IMMP2L: variants seen among roughly 807,000 people sequenced by gnomAD.
IMMP2L encodes the protein inner mitochondrial membrane peptidase subunit 2, also known as mitochondrial inner membrane protease subunit 2.
IMMP2L carries 18 observed loss-of-function variants against 19.3 expected under a neutral mutation model. The observed-to-expected ratio is 0.93, with a 90% CI of 0.64 to 1.38. The LOEUF (loss-of-function observed/expected upper bound fraction) is 1.38. Among genes scored for constraint, IMMP2L ranks in the 40% most tolerant of loss-of-function variants. The pLI is 0.00. For missense variants in IMMP2L, 233 were observed against 218.2 expected (o/e 1.07, Z -0.43); for synonymous variants, 76 against 73.0 (o/e 1.04, Z -0.21).
chr7:111,229,458 G>T (rs997600529), intron 3 of IMMP2L, among the ~76,000 whole-genome samples: 12 of 152,002 alleles, frequency 7.9e-5, no homozygotes, highest in Non-Finnish European at 1.5e-4. Flanking sequence ...CCTTAGGGTT[G>T]AAATTATCCC....
At chr7:111,161,380 T>C (rs1332311346) in intron 3 of IMMP2L, among the ~76,000 whole-genome samples, 1 of 151,922 alleles carries the variant, frequency 6.6e-6, no homozygotes, top group African/African-American at 2.4e-5. Context: ...ATAAAAACAT[T>C]TCTACTGTTT....
chr7:111,441,350 C>T (rs997924373), intron 3 of IMMP2L, among the ~76,000 whole-genome samples: 3 of 151,808 alleles, frequency 2.0e-5, no homozygotes, highest in Non-Finnish European at 4.4e-5. Context: ...TACTTGCACA[C>T]TTGCCATTGT....
chr7:111,433,820 C>A lies in IMMP2L; in HGVS notation c.239+53418G>T, dbSNP rs533844117. On this transcript the variant is annotated intron_variant, in intron 3 of 5. Coordinates refer to ENST00000405709, the MANE Select transcript of IMMP2L (RefSeq NM_032549.4). The stretch of plus-strand genomic sequence containing the variant: ...GACACAACCAAATTTTTAAAAATCC[C>A]ATAACCATAGAATGGAAGAAATAAT... Among the ~76,000 whole-genome samples, 321 of 151,134 alleles carry A rather than the reference C, an allele frequency of 2.1e-3. 2 individuals are homozygous for A. Among genetic ancestry groups the A allele is most frequent in the Middle Eastern group, 0.014 (4 of 294 alleles).
chr7:111,286,584 T>C (rs1019916303), intron 3 of IMMP2L, among the ~76,000 whole-genome samples: 1 of 152,166 alleles, frequency 6.6e-6, no homozygotes, highest in African/African-American at 2.4e-5. Flanking sequence ...AGAGACCGTT[T>C]TGATAAGGAC....
At chr7:111,243,216 T>C (rs963239393) in intron 3 of IMMP2L, among the ~76,000 whole-genome samples, 4 of 152,046 alleles carry the variant, frequency 2.6e-5, no homozygotes, top group African/African-American at 7.2e-5. Context: ...ATATTCTGAA[T>C]GTGAAGTATT....
At chr7:111,547,860 A>G (rs749366345) in intron 1 of IMMP2L, among the ~76,000 whole-genome samples, 4 of 152,032 alleles carry the variant, frequency 2.6e-5, no homozygotes, top group Non-Finnish European at 4.4e-5. Flanking sequence ...AGCTGGGACC[A>G]GAGGCACATG....
chr7:110,788,312 A>T (rs1216008550), intron 5 of IMMP2L, among the ~76,000 whole-genome samples: 1 of 152,038 alleles, frequency 6.6e-6, no homozygotes, highest in South Asian at 2.1e-4. Flanking sequence ...TGACCTTCAG[A>T]TTGACAATTA....
intron 3 of IMMP2L, among the ~76,000 whole-genome samples, chr7:111,169,852 A>G (rs1806234578): frequency 6.6e-6 from 1 of 151,876 alleles, no homozygotes; most frequent in Non-Finnish European, 1.5e-5. Flanking sequence ...CTGGCACACC[A>G]GTATTTCTAC....
chr7:111,203,812 A>G (rs1256185049), intron 3 of IMMP2L, among the ~76,000 whole-genome samples: 3 of 152,130 alleles, frequency 2.0e-5, no homozygotes, highest in Non-Finnish European at 4.4e-5. Flanking sequence ...TAATTCCAAA[A>G]AGATAGCTCT....
intron 3 of IMMP2L, among the ~76,000 whole-genome samples, chr7:110,991,293 C>T (rs1163165487): frequency 3.9e-5 from 6 of 152,064 alleles, no homozygotes; most frequent in Non-Finnish European, 7.4e-5. Context: ...CTACGTATAG[C>T]GTGGCTTACT....
At chr7:111,539,280 G>A (rs1158430019) in intron 1 of IMMP2L, among the ~76,000 whole-genome samples, 1 of 150,664 alleles carries the variant, frequency 6.6e-6, no homozygotes, top group Non-Finnish European at 1.5e-5. Context: ...GAGAACATAC[G>A]TCGATTACTA....
At chr7:110,780,392 A>G (rs6977769) in intron 5 of IMMP2L, among the ~76,000 whole-genome samples, 129,061 of 151,424 alleles carry the variant, frequency 0.85, 55,637 homozygotes, top group South Asian at 0.91. Context: ...ACTGGCAAGC[A>G]TATTACTTGA....
chr7:111,322,547 C>T (rs1483956362), intron 3 of IMMP2L, among the ~76,000 whole-genome samples: 1 of 150,168 alleles, frequency 6.7e-6, no homozygotes, highest in Admixed American at 6.7e-5. Flanking sequence ...ATCTCCAGGT[C>T]CCAAAAAATG....
At chr7:110,783,902 T>A (rs1223896072) in intron 5 of IMMP2L, among the ~76,000 whole-genome samples, 1 of 151,918 alleles carries the variant, frequency 6.6e-6, no homozygotes, top group East Asian at 1.9e-4. Flanking sequence ...CTAAACCCCA[T>A]GGAGCTTTGG....
intron 5 of IMMP2L, among the ~76,000 whole-genome samples, chr7:110,678,889 AAGCCC>A (rs1330305694): frequency 2.6e-5 from 4 of 152,224 alleles, no homozygotes; most frequent in Non-Finnish European, 5.9e-5. Flanking sequence ...TTTGAAAGCA[AAGCCC>A]TATGGTTTGG....
At chr7:111,079,573 G>T (rs1195332642) in intron 3 of IMMP2L, among the ~76,000 whole-genome samples, 2 of 152,148 alleles carry the variant, frequency 1.3e-5, no homozygotes, top group African/African-American at 4.8e-5. Flanking sequence ...CGCACATGAG[G>T]TACTGCATAA....
intron 5 of IMMP2L, among the ~76,000 whole-genome samples, chr7:110,676,137 G>C (rs1792279681): frequency 6.6e-6 from 1 of 152,218 alleles, no homozygotes; most frequent in African/African-American, 2.4e-5. Flanking sequence ...CAAAATTCAT[G>C]CTGCTCCCAC....
intron 3 of IMMP2L, among the ~76,000 whole-genome samples, chr7:111,464,111 GT>G (rs1409368471): frequency 6.6e-6 from 1 of 151,960 alleles, no homozygotes; most frequent in African/African-American, 2.4e-5. Context: ...CCTCTACCAC[GT>G]ACTAGATTAC....
intron 3 of IMMP2L, among the ~76,000 whole-genome samples, chr7:111,361,055 AAG>A (rs1829214526): frequency 6.6e-6 from 1 of 152,090 alleles, no homozygotes; most frequent in Admixed American, 6.6e-5. Context: ...CTAAATTTTT[AAG>A]AGTTTAATGA....
Sources: allele counts gnomAD v4.1 joint callset (sites outside exome capture counted in the v4.1 genomes callset), GRCh38; gene constraint gnomAD v4.1.1; transcripts MANE v1.5; gene names NCBI Gene and HGNC (gene_info 2026-07-23, HGNC 2026-07-21).